DNAH12: variants seen among roughly 807,000 people sequenced by gnomAD.
The protein encoded by DNAH12 is dynein axonemal heavy chain 12, also known as axonemal beta dynein heavy chain 12.
In DNAH12, 285 loss-of-function variants were observed where a neutral mutation model predicts 371.5. That is an observed-to-expected ratio of 0.77 (90% CI 0.70 to 0.85). The LOEUF is 0.85. DNAH12 is among the 40% of genes least tolerant of loss of function. The pLI is 0.00. For missense variants in DNAH12, 3,611 were observed against 3,689.4 expected, an observed-to-expected ratio of 0.98 and a Z score of 0.55; for synonymous variants, 1,200 against 1,213.0, an observed-to-expected ratio of 0.99 and a Z score of 0.22.
chr3:57,413,178 G>A (rs2064259088), intron 39 of DNAH12, among the ~76,000 whole-genome samples: 2 of 152,124 alleles, frequency 1.3e-5, no homozygotes, highest in African/African-American at 4.8e-5. Context: ...AATGAAAGAA[G>A]CTAATTTGAA....
In DNAH12 at chr3:57,418,494, C is replaced by T. The variant is rs529807466; in HGVS notation, c.5714+873G>A. Among the ~76,000 whole-genome samples the T allele has an allele frequency of 4.5e-3, 669 of 149,188 alleles. 9 individuals are homozygous for T. The highest frequency in any genetic ancestry group is 7.3e-3 in the Non-Finnish European group (495 of 67,622). Reference sequence around the variant, plus strand: ...AGTCAAGACTGCAGTGAGCCGTGATCGCACCACTGTAGTCCAGCCTGGGTG... The same window carrying T: ...AGTCAAGACTGCAGTGAGCCGTGATTGCACCACTGTAGTCCAGCCTGGGTG... On this transcript the variant is annotated intron_variant, in intron 37 of 73. Coordinates refer to ENST00000495027, the MANE Select transcript of DNAH12 (RefSeq NM_001366028.2).
chr3:57,300,382 A>G (rs1371112949), intron 70 of DNAH12, among the ~76,000 whole-genome samples: 2 of 152,208 alleles, frequency 1.3e-5, no homozygotes, highest in Non-Finnish European at 2.9e-5. Context: ...TAGCTTCTAT[A>G]AGGGTAAGAG....
intron 2 of DNAH12, among the ~76,000 whole-genome samples, chr3:57,537,788 G>GATTC (rs1156789177): frequency 1.3e-5 from 2 of 151,296 alleles, no homozygotes; most frequent in Non-Finnish European, 2.9e-5. Flanking sequence ...GGGTTCAAGT[G>GATTC]ATTCTCCTGC....
At chr3:57,425,830 C>T (rs2064749974) in intron 34 of DNAH12, among the ~76,000 whole-genome samples, 1 of 151,888 alleles carries the variant, frequency 6.6e-6, no homozygotes, top group Non-Finnish European at 1.5e-5. Flanking sequence ...ACATACTATA[C>T]CTATGTGGCA....
intron 12 of DNAH12, among the ~76,000 whole-genome samples, chr3:57,487,484 G>C (rs907610134): frequency 3.3e-5 from 5 of 152,094 alleles, no homozygotes; most frequent in South Asian, 4.1e-4. Context: ...TCCTCCTGGG[G>C]ATCATCTTGC....
chr3:57,519,643 T>G, intron 4 of DNAH12: 1 of 1,320,140 alleles, frequency 7.6e-7, no homozygotes, highest in Non-Finnish European at 1.1e-6. Context: ...TCTGAACAAC[T>G]GCACTAAGAA....
chr3:57,491,822 A>G (rs893923616), intron 11 of DNAH12, among the ~76,000 whole-genome samples: 1 of 152,092 alleles, frequency 6.6e-6, no homozygotes, highest in Non-Finnish European at 1.5e-5. Context: ...CTTGGGCAAC[A>G]TGGTGAAACC....
chr3:57,324,926 C>A (rs551905389), intron 62 of DNAH12, among the ~76,000 whole-genome samples: 1 of 152,246 alleles, frequency 6.6e-6, no homozygotes. Context: ...ATATCCCCCA[C>A]ATGGCTCAGA....
At chr3:57,308,148 G>A (rs988356736) in intron 69 of DNAH12, among the ~76,000 whole-genome samples, 1 of 152,102 alleles carries the variant, frequency 6.6e-6, no homozygotes, top group Non-Finnish European at 1.5e-5. Context: ...ATACCTCTTG[G>A]TCTGGGTAGA....
chr3:57,501,176 G>T (rs191095808), intron 11 of DNAH12, 145 bp downstream of exon 11: 129 of 634,680 alleles, frequency 2.0e-4, no homozygotes, highest in African/African-American at 1.9e-3. Context: ...AATGACTAAA[G>T]AAATTGTAAG....
chr3:57,550,383 T>C, the DNAH12 span, among the ~76,000 whole-genome samples: 1 of 152,126 alleles, frequency 6.6e-6, no homozygotes, highest in Non-Finnish European at 1.5e-5. Context: ...TATAAACAAA[T>C]AGATCCAGTC....
chr3:57,433,545 T>C lies in DNAH12; in HGVS notation c.4840-38A>G, dbSNP rs187502983. The C allele has an allele frequency of 1.4e-3, 2,091 of 1,542,578 alleles. 5 individuals are homozygous for C. Among genetic ancestry groups the C allele is most frequent in the Non-Finnish European group, 1.5e-3 (1,755 of 1,144,678 alleles). ...AAAAAGAATTAAAAAGCTCTCCTCA[T>C]AAAATTAGATTTAGGAGTAAAACTA... On this transcript the variant is annotated intron_variant, in intron 31 of 73. Transcript: ENST00000495027.
chr3:57,304,646 C>A (rs750986803), intron 69 of DNAH12, among the ~76,000 whole-genome samples: 4 of 152,184 alleles, frequency 2.6e-5, no homozygotes, highest in Non-Finnish European at 4.4e-5. Flanking sequence ...GGGACACCTG[C>A]CTGATTATTC....
At chr3:57,549,375 G>A in the DNAH12 span, among the ~76,000 whole-genome samples, 5 of 151,694 alleles carry the variant, frequency 3.3e-5, no homozygotes, top group Admixed American at 2.0e-4. Flanking sequence ...AAATTAGCCA[G>A]GCATGGTGGT....
At chr3:57,472,458 T>A (rs1469302513) in intron 14 of DNAH12, 88 bp downstream of exon 14, 4 of 1,464,912 alleles carry the variant, frequency 2.7e-6, no homozygotes, top group Non-Finnish European at 3.7e-6. Context: ...ACTTTTAAAG[T>A]TAGATGGCCA....
chr3:57,472,812 CA>C, intron 13 of DNAH12, 141 bp from the exon 14 acceptor site: 1 of 842,450 alleles, frequency 1.2e-6, no homozygotes, highest in East Asian at 2.7e-5. Context: ...ATATATCACC[CA>C]AACCAGATGG....
At position 57,301,929 on chromosome 3, in the gene DNAH12, T is replaced by G; in HGVS notation, c.11200A>C (p.Thr3734Pro). ...AGGTCCCGTAGAGTGTTACGTATAG[T>G]TATAATTAAACTGCAATGAAAGAAA... is the stretch of plus-strand genomic sequence containing the variant. ...EMERFNNLII[T>P]IRNTLRDLEK... is the part of the protein sequence containing the mutation. Residue 3734 changes from threonine (T) to proline (P), a missense_variant, in exon 70 of 74, where the codon ACT becomes CCT. Physicochemically the swap from Thr to Pro is conservative, Grantham distance 38 (BLOSUM62 -1). Transcript: ENST00000495027. 5 of 1,551,494 alleles carry G rather than the reference T, an allele frequency of 3.2e-6. No individual in the cohort carries two copies. Among genetic ancestry groups the G allele is most frequent in the Middle Eastern group, 1.7e-4 (1 of 5,990 alleles).
chr3:57,391,344 T>C (rs1053197413), intron 45 of DNAH12, among the ~76,000 whole-genome samples: 2 of 151,942 alleles, frequency 1.3e-5, no homozygotes, highest in South Asian at 2.1e-4. Flanking sequence ...TAAGACATTA[T>C]TTTTTTTCCT....
rs1236915102 is a variant in DNAH12 at position 57,542,858 on chromosome 3, T to C, written c.13A>G (p.Asn5Asp). 14 of 1,592,060 alleles carry C rather than the reference T, an allele frequency of 8.8e-6. No individual in the cohort carries two copies. The Admixed American group carries it at 2.6e-4, about 29-fold the overall frequency. Reference sequence around the variant, plus strand: ...TTTTCTGCTGCAATGGCAGCTTTGTTTGCATCTGACATCTTGATCCCCTAA... The same window carrying C: ...TTTTCTGCTGCAATGGCAGCTTTGTCTGCATCTGACATCTTGATCCCCTAA... MSDA[N>D]KAAIAAEKEA... The change falls in exon 2 of 74, where the codon AAC (asparagine) becomes GAC (aspartate). Residue 5 changes from asparagine (N) to aspartate (D), a missense_variant. Physicochemically the swap from Asn to Asp is conservative, Grantham distance 23 (BLOSUM62 1). Coordinates refer to ENST00000495027, the MANE Select transcript of DNAH12 (RefSeq NM_001366028.2).
Sources: allele counts gnomAD v4.1 joint callset (sites outside exome capture counted in the v4.1 genomes callset), GRCh38; gene constraint gnomAD v4.1.1; transcripts MANE v1.5; gene names NCBI Gene and HGNC (gene_info 2026-07-23, HGNC 2026-07-21).